Variants in IDI2 observed in about 807,000 individuals in gnomAD.
The protein encoded by IDI2 is isopentenyl-diphosphate delta-isomerase 2.
IDI2 carries 18 observed loss-of-function variants against 14.8 expected under a neutral mutation model. The observed-to-expected ratio is 1.22, with a 90% CI of 0.84 to 1.80. The LOEUF (loss-of-function observed/expected upper bound fraction) is 1.80. IDI2 is among the 40% of genes most tolerant of loss of function. IDI2 has a pLI of 0.00. For missense variants in IDI2, 316 were observed against 283.2 expected (o/e 1.12, Z -0.83); for synonymous variants, 133 against 109.6 (o/e 1.21, Z -1.33).
At chr10:1,024,468 G>T in intron 2 of IDI2, 114 bp downstream of exon 2, 1 of 1,115,926 alleles carries the variant, frequency 9.0e-7, no homozygotes, top group South Asian at 1.5e-5. Flanking sequence ...GCACACAGGT[G>T]ACCCAGTGGT....
chr10:1,025,640 C>G (rs940657280), intron 1 of IDI2, among the ~76,000 whole-genome samples, 176 bp downstream of exon 1: 5 of 152,118 alleles, frequency 3.3e-5, no homozygotes, highest in African/African-American at 9.7e-5. Context: ...TCACGTCTGT[C>G]CATTATCATT....
intron 2 of IDI2, among the ~76,000 whole-genome samples, chr10:1,024,107 C>T (rs1482643939): frequency 6.6e-6 from 1 of 152,166 alleles, no homozygotes; most frequent in African/African-American, 2.4e-5. Context: ...CATGGAGAAC[C>T]AGCCTAACTG....
chr10:1,024,218 C>T (rs541085843), intron 2 of IDI2, among the ~76,000 whole-genome samples: 11 of 152,346 alleles, frequency 7.2e-5, no homozygotes, highest in South Asian at 4.1e-4. Context: ...CTAACAAGAC[C>T]TGCTGAAGAC....
intron 2 of IDI2, 82 bp downstream of exon 2, chr10:1,024,500 T>C: frequency 6.6e-7 from 1 of 1,522,514 alleles, no homozygotes; most frequent in East Asian, 2.3e-5. Flanking sequence ...CGGAAAGGCC[T>C]AGACTCTCTT....
At chr10:1,019,957 A>G in intron 4 of IDI2, 123 bp from the exon 5 acceptor site, 2 of 810,190 alleles carry the variant, frequency 2.5e-6, no homozygotes, top group Non-Finnish European at 3.9e-6. Flanking sequence ...GGTAATTGAT[A>G]ATTTCCAAAA....
Position 1,019,192 on chromosome 10 carries a change from C to T in IDI2, c.*325G>A, listed in dbSNP as rs2127607. 1 allele frequency: 235,378 copies of T among 236,330 alleles called. 117,220 individuals are homozygous for T. The highest frequency in any genetic ancestry group is 1 in the Non-Finnish European group (120,469 of 120,484). 14.6% of individuals were successfully genotyped at this position (236,330 alleles called of 1,614,324 possible). On this transcript the variant is annotated 3_prime_UTR_variant, in exon 5 of 5. Transcript: ENST00000277517. ...GCCTCATGGTCCAGCCAGGCTAGTCCGCCTGCTTCAGGACTCTCAAGATCT... is the reference window on the plus strand; with the variant it reads ...GCCTCATGGTCCAGCCAGGCTAGTCTGCCTGCTTCAGGACTCTCAAGATCT...
intron 3 of IDI2, 163 bp downstream of exon 3, chr10:1,022,520 A>G (rs1295358788): frequency 1.2e-5 from 7 of 573,524 alleles, no homozygotes; most frequent in South Asian, 4.7e-5. Flanking sequence ...CTGAAGAGCT[A>G]TCAGCATAAT....
chr10:1,020,932 T>C (rs2132182853), intron 3 of IDI2, 35 bp from the exon 4 acceptor site: 14 of 1,598,938 alleles, frequency 8.8e-6, no homozygotes, highest in Non-Finnish European at 1.2e-5. Flanking sequence ...TCCCTCTTTA[T>C]TCCTGAAAAG....
intron 2 of IDI2, among the ~76,000 whole-genome samples, chr10:1,023,051 C>T (rs756783313): frequency 6.6e-6 from 1 of 152,172 alleles, no homozygotes; most frequent in African/African-American, 2.4e-5. Flanking sequence ...AGAGAGATAT[C>T]GCAGCATTCC....
intron 2 of IDI2, 76 bp downstream of exon 2, chr10:1,024,506 C>T: frequency 6.5e-7 from 1 of 1,544,338 alleles, no homozygotes; most frequent in Non-Finnish European, 8.8e-7. Flanking sequence ...GGCCTAGACT[C>T]TCTTCTTAGG....
intron 2 of IDI2, among the ~76,000 whole-genome samples, chr10:1,023,033 A>G (rs558941225): frequency 7.2e-5 from 11 of 152,214 alleles, no homozygotes; most frequent in Non-Finnish European, 1.3e-4. Context: ...AAAAGAGATC[A>G]GTCTATCAGA....
chr10:1,022,469 CAT>C (rs1178001751), intron 3 of IDI2, among the ~76,000 whole-genome samples: 2 of 152,112 alleles, frequency 1.3e-5, no homozygotes, highest in Non-Finnish European at 2.9e-5. Flanking sequence ...CCCAGAAACT[CAT>C]ATAGTTTCTT....
rs201116307 is a variant in IDI2 at position 1,019,502 on chromosome 10, C to T, written c.*15G>A. 1.5e-5 allele frequency: 24 copies of T among 1,599,914 alleles called. No homozygotes were observed. The highest frequency in any genetic ancestry group is 1.2e-4 in the Admixed American group (7 of 59,322). On this transcript the variant is annotated 3_prime_UTR_variant, in exon 5 of 5. Coordinates refer to ENST00000277517, the MANE Select transcript of IDI2 (RefSeq NM_033261.3). The stretch of plus-strand genomic sequence containing the variant: ...CTGAGGGCATTACACATGGCTGACT[C>T]GACCTCCCTGCCTCTCACACTCTGT...
intron 4 of IDI2, 57 bp from the exon 5 acceptor site, chr10:1,019,891 A>G (rs1832061584): frequency 8.6e-7 from 1 of 1,167,618 alleles, no homozygotes; most frequent in Non-Finnish European, 1.3e-6. Context: ...CAGAATTTAC[A>G]GAAAAATAGA....
At chr10:1,022,862 G>T in intron 2 of IDI2, 87 bp from the exon 3 acceptor site, 2 of 1,011,832 alleles carry the variant, frequency 2.0e-6, no homozygotes, top group Admixed American at 3.7e-5. Context: ...TCTGTTTCTC[G>T]TAGAAAAGCC....
rs753465155 is a variant in IDI2, at chr10:1,024,699, C to A, written c.25G>T (p.Val9Phe). The A allele has an allele frequency of 1.2e-6, 2 of 1,614,080 alleles. No homozygotes were observed. Among genetic ancestry groups the A allele is most frequent in the East Asian group, 4.5e-5 (2 of 44,896 alleles). Residue 9 changes from valine (V) to phenylalanine (F), a missense_variant, in exon 2 of 5, where the codon GTT becomes TTT. By Grantham distance (50) the Val-to-Phe change is conservative. Coordinates refer to ENST00000277517, the MANE Select transcript of IDI2 (RefSeq NM_033261.3). Reference sequence around the variant, plus strand: ...AAGCGCTGCAACTGACGCCTGTCAACCCAGTCAAGATTTATGTCAGACATA... The same window carrying A: ...AAGCGCTGCAACTGACGCCTGTCAAACCAGTCAAGATTTATGTCAGACATA... MSDINLDW[V>F]DRRQLQRLEE...
chr10:1,024,163 A>G (rs758034400), intron 2 of IDI2, among the ~76,000 whole-genome samples: 1 of 152,168 alleles, frequency 6.6e-6, no homozygotes. Flanking sequence ...ATTAAAAGTT[A>G]CTAAGAGAAA....
At chr10:1,022,316 C>G (rs1832122685) in intron 3 of IDI2, among the ~76,000 whole-genome samples, 2 of 151,910 alleles carry the variant, frequency 1.3e-5, no homozygotes, top group South Asian at 4.1e-4. Context: ...AATTAAAACT[C>G]TAAGACCTGT....
At chr10:1,022,657 T>C in intron 3 of IDI2, 26 bp downstream of exon 3, 1 of 1,546,882 alleles carries the variant, frequency 6.5e-7, no homozygotes, top group Non-Finnish European at 8.9e-7. Context: ...CTCTCTTCAG[T>C]CCGGGGCTTG....
Sources: gnomAD v4.1 joint callset for allele counts (sites outside exome capture counted in the v4.1 genomes callset) on GRCh38, gnomAD v4.1.1 for gene constraint, MANE v1.5 for transcripts, NCBI Gene and HGNC (gene_info 2026-07-23, HGNC 2026-07-21) for gene names.